The following STK32A variants were observed in gnomAD, a reference collection of about 807,000 sequenced individuals.
STK32A encodes serine/threonine kinase 32A.
In STK32A, 41 loss-of-function variants were observed where a neutral mutation model predicts 53.2. The ratio of observed to expected loss-of-function variants is 0.77; its 90% CI spans 0.60 to 1.00. STK32A has a LOEUF of 1.00. Among genes scored for constraint, STK32A ranks in the 50% least tolerant of loss-of-function variants. The pLI is 0.00. For synonymous variants in STK32A, 166 were observed against 162.8 expected, an observed-to-expected ratio of 1.02 and a Z score of -0.15; for missense variants, 458 against 485.8, an observed-to-expected ratio of 0.94 and a Z score of 0.54.
chr5:147,272,031 C>T (rs747128992), intron 2 of STK32A, among the ~76,000 whole-genome samples: 1 of 152,116 alleles, frequency 6.6e-6, no homozygotes, highest in East Asian at 1.9e-4. Context: ...CATCACGGAA[C>T]CTACCGACAT....
intron 2 of STK32A, among the ~76,000 whole-genome samples, chr5:147,249,886 G>C (rs1488050722): frequency 8.8e-6 from 1 of 113,502 alleles, no homozygotes. Flanking sequence ...TCCAGCCTGG[G>C]CAACAGAGTA....
rs1315326971 is a variant in STK32A, at chr5:147,243,135, T to A, written c.52+3449T>A. 5.6e-5 allele frequency among the ~76,000 whole-genome samples: 3 copies of A among 53,944 alleles called. 1 individual carries two copies. Among genetic ancestry groups the A allele is most frequent in the African/African-American group, 1.3e-4 (2 of 14,894 alleles). 35.4% of individuals were successfully genotyped at this position (53,944 alleles called of 152,430 possible). ...TTTTAAAATTTTTAAAAAGATTTTT[T>A]AAAAGATTTTTAAAAATATTTTCTT... On this transcript the variant is annotated intron_variant, in intron 2 of 12. Coordinates refer to ENST00000397936, the MANE Select transcript of STK32A (RefSeq NM_001112724.2).
intron 2 of STK32A, among the ~76,000 whole-genome samples, chr5:147,248,037 C>T (rs1177629862): frequency 1.3e-5 from 2 of 149,110 alleles, no homozygotes; most frequent in African/African-American, 5.0e-5. Flanking sequence ...AGGAGAATTG[C>T]TTGAATGCAG....
At chr5:147,237,244 C>A (rs993992023) in intron 1 of STK32A, among the ~76,000 whole-genome samples, 2 of 151,724 alleles carry the variant, frequency 1.3e-5, no homozygotes, top group Non-Finnish European at 2.9e-5. Context: ...ACCCAGGAGG[C>A]AGAGCTTGCA....
chr5:147,401,558 A>T, the STK32A span: 2 of 1,613,060 alleles, frequency 1.2e-6, no homozygotes, highest in Non-Finnish European at 1.7e-6. Flanking sequence ...CAAGGAGTTG[A>T]TGTAGTCCGG....
chr5:147,239,752 G>C, intron 2 of STK32A, 66 bp downstream of exon 2: 2 of 1,215,150 alleles, frequency 1.6e-6, no homozygotes, highest in Non-Finnish European at 2.4e-6. Context: ...TATGCTTCTA[G>C]TTTCATAAGT....
In STK32A at chr5:147,384,897, A is replaced by G. The variant is rs1757591502; in HGVS notation, c.*914A>G. 1 of 154,306 alleles carries G rather than the reference A, an allele frequency of 6.5e-6. No homozygotes were observed. Among genetic ancestry groups the G allele is most frequent in the African/African-American group, 2.4e-5 (1 of 41,528 alleles). The allele number at this position is 154,306 out of a possible 1,614,324, so 9.6% of individuals were successfully genotyped here. ...GCATCTTATATGGGGTTTATTGTCT[A>G]AGTTAGAAATGAATTTAGAAGATAG... On this transcript the variant is annotated 3_prime_UTR_variant, in exon 13 of 13. Transcript: ENST00000397936.
chr5:147,283,665 C>A (rs1027597424), intron 4 of STK32A, among the ~76,000 whole-genome samples: 1 of 152,016 alleles, frequency 6.6e-6, no homozygotes, highest in African/African-American at 2.4e-5. Flanking sequence ...ACTATGAACA[C>A]CTTTATGCAC....
At chr5:147,273,130 T>C (rs1456670216) in intron 2 of STK32A, among the ~76,000 whole-genome samples, 3 of 152,234 alleles carry the variant, frequency 2.0e-5, no homozygotes, top group Non-Finnish European at 4.4e-5. Context: ...AAGGGTTTCC[T>C]TTTTTCTTTC....
chr5:147,395,621 C>A, the STK32A span: 4 of 1,613,930 alleles, frequency 2.5e-6, no homozygotes, highest in East Asian at 6.7e-5. Flanking sequence ...AGTAGGAGAG[C>A]CCCGAGCAGA....
chr5:147,267,703 G>A (rs760420184), intron 2 of STK32A, among the ~76,000 whole-genome samples: 1 of 152,106 alleles, frequency 6.6e-6, no homozygotes, highest in Non-Finnish European at 1.5e-5. Flanking sequence ...TAAGGATAGA[G>A]GCAACATGGA....
chr5:147,394,257 A>C, the STK32A span: 11 of 849,744 alleles, frequency 1.3e-5, no homozygotes, highest in Non-Finnish European at 2.0e-5. Context: ...CCTCCCAAGA[A>C]ACTTCCATTC....
chr5:147,312,815 G>T (rs1753769057), intron 4 of STK32A, among the ~76,000 whole-genome samples: 1 of 152,054 alleles, frequency 6.6e-6, no homozygotes, highest in Non-Finnish European at 1.5e-5. Flanking sequence ...GATAAATTTG[G>T]CAATATCAAG....
At position 147,373,154 on chromosome 5, in the gene STK32A, G is replaced by C; in HGVS notation, c.778-15G>C. On this transcript the variant is annotated splice_polypyrimidine_tract_variant and intron_variant, in intron 9 of 12. Transcript: ENST00000397936. ...ATCCTTTCTTATGGCCTTGATGTTT[G>C]CATTTTATTGGCAGCTACTCGAACC... 3 of 1,612,210 alleles carry C rather than the reference G, an allele frequency of 1.9e-6. No homozygotes were observed. Among genetic ancestry groups the C allele is most frequent in the Non-Finnish European group, 2.5e-6 (3 of 1,179,160 alleles).
intron 4 of STK32A, among the ~76,000 whole-genome samples, chr5:147,280,579 A>G (rs1752016377): frequency 6.6e-6 from 1 of 151,868 alleles, no homozygotes; most frequent in Admixed American, 6.6e-5. Flanking sequence ...TCCTAGGTAC[A>G]CAACTCCAGT....
At chr5:147,261,076 C>A (rs71580432) in intron 2 of STK32A, among the ~76,000 whole-genome samples, 34,533 of 151,928 alleles carry the variant, frequency 0.23, 4,493 homozygotes, top group Admixed American at 0.33. Context: ...ATTCCTCGCA[C>A]TGGGTGGGTC....
chr5:147,351,366 C>A lies in STK32A; in HGVS notation c.562+212C>A, dbSNP rs76094045. ...TTGATTACATTTTGAAAACTTACTT[C>A]GTGTGTCAAGGAAGACCGTTTGTAC... On this transcript the variant is annotated intron_variant, in intron 7 of 12. Coordinates refer to ENST00000397936, the MANE Select transcript of STK32A (RefSeq NM_001112724.2). Among the ~76,000 whole-genome samples, 85 of 152,214 alleles carry A rather than the reference C, an allele frequency of 5.6e-4. 2 individuals are homozygous for A. The East Asian group carries it at 0.016, about 29-fold the overall frequency.
At chr5:147,364,728 C>A (rs557043434) in intron 8 of STK32A, among the ~76,000 whole-genome samples, 1 of 152,262 alleles carries the variant, frequency 6.6e-6, no homozygotes, top group African/African-American at 2.4e-5. Flanking sequence ...TCTTTCTCTT[C>A]TTTTTGTAAT....
the STK32A span, among the ~76,000 whole-genome samples, chr5:147,398,183 G>A: frequency 2.0e-5 from 3 of 152,176 alleles, no homozygotes; most frequent in South Asian, 6.2e-4. Context: ...GAGAGGTTAT[G>A]TGGCCTTTAG....
Sources: allele counts gnomAD v4.1 joint callset (sites outside exome capture counted in the v4.1 genomes callset), GRCh38; gene constraint gnomAD v4.1.1; transcripts MANE v1.5; gene names NCBI Gene and HGNC (gene_info 2026-07-23, HGNC 2026-07-21).